The following CYP4F22 variants were observed in gnomAD, a reference collection of about 807,000 sequenced individuals.
CYP4F22 encodes the protein cytochrome P450 family 4 subfamily F member 22.
CYP4F22 carries 37 observed loss-of-function variants against 60.4 expected under a neutral mutation model. The observed-to-expected ratio is 0.61, with a 90% CI of 0.47 to 0.81. The LOEUF (loss-of-function observed/expected upper bound fraction) is 0.81, where lower values mean the gene tolerates loss of function less well. Among genes scored for constraint, CYP4F22 ranks in the 30% least tolerant of loss-of-function variants. The pLI is 0.00. For missense variants in CYP4F22, 655 were observed against 715.0 expected (o/e 0.92, Z 0.96); for synonymous variants, 258 against 280.5 (o/e 0.92, Z 0.80).
intron 3 of CYP4F22, among the ~76,000 whole-genome samples, chr19:15,527,954 T>G (rs776782268): frequency 1.3e-5 from 2 of 152,230 alleles, no homozygotes; most frequent in Non-Finnish European, 2.9e-5. Flanking sequence ...TTTCTGACGT[T>G]GAGCCTGAAG....
chr19:15,510,969 T>A (rs865928805), intron 1 of CYP4F22, among the ~76,000 whole-genome samples: 1,331 of 91,160 alleles, frequency 0.015, 8 homozygotes, highest in African/African-American at 0.027. Flanking sequence ...TATATATATT[T>A]TTTTTTTTTT....
At chr19:15,522,796 C>T (rs1042278500) in intron 1 of CYP4F22, among the ~76,000 whole-genome samples, 7 of 152,050 alleles carry the variant, frequency 4.6e-5, no homozygotes, top group Admixed American at 2.0e-4. Flanking sequence ...CTTCAACCTC[C>T]GCCTCCCAGG....
In CYP4F22 at chr19:15,513,750, C is replaced by A. The variant is rs1020457035; in HGVS notation, c.-109+5167C>A. Among the ~76,000 whole-genome samples the A allele has an allele frequency of 2.6e-5, 4 of 151,940 alleles. No individual in the cohort carries two copies. In the East Asian group the frequency reaches 5.8e-4, roughly 22 times the overall value. ...TCCTGAGCTCAGGCAATCCGCACCC[C>A]CCTCGGTCTCCCAAAGTGCTGGGAT... On this transcript the variant is annotated intron_variant, in intron 1 of 13. Transcript: ENST00000269703.
chr19:15,550,591 GA>G, intron 12 of CYP4F22, 82 bp from the exon 13 acceptor site: 1 of 1,412,200 alleles, frequency 7.1e-7, no homozygotes, highest in Non-Finnish European at 1.0e-6. Context: ...CATCTTTACT[GA>G]CCCCCAGAGG....
chr19:15,549,253 G>A (rs748636198), intron 12 of CYP4F22, 51 bp downstream of exon 12: 14 of 1,594,088 alleles, frequency 8.8e-6, no homozygotes, highest in East Asian at 4.5e-5. Context: ...CCTCCCCTGC[G>A]CCCCAGGGAG....
intron 8 of CYP4F22, among the ~76,000 whole-genome samples, chr19:15,542,160 C>T (rs1015802666): frequency 3.9e-5 from 6 of 152,194 alleles, no homozygotes; most frequent in African/African-American, 1.4e-4. Context: ...GAACTTCCTT[C>T]TTCTCCTCAC....
chr19:15,551,788 T>G lies in CYP4F22; in HGVS notation c.*317T>G, dbSNP rs1413301540. Reference sequence around the variant, plus strand: ...GCCCCGCCCCCAGGATCCTACGGATTGAGGTCCTCAGGCCACGCCCCTGCA... The same window carrying G: ...GCCCCGCCCCCAGGATCCTACGGATGGAGGTCCTCAGGCCACGCCCCTGCA... On this transcript the variant is annotated 3_prime_UTR_variant, in exon 14 of 14. Transcript: ENST00000269703. 7 of 468,000 alleles carry G rather than the reference T, an allele frequency of 1.5e-5. No individual in the cohort carries two copies. The highest frequency in any genetic ancestry group is 7.1e-5 in the Admixed American group (2 of 28,020). 29.0% of individuals were successfully genotyped at this position (468,000 alleles called of 1,614,324 possible).
Position 15,525,414 on chromosome 19 carries a change from C to T in CYP4F22, c.78C>T (p.Thr26=). ...KTAFRIYAVS[T]LLLFLLFFLF... ...CGTTCCGCATATACGCGGTGTCCAC[C>T]CTTCTCCTCTTCCTGCTCTTCTTCC... The change falls in exon 3 of 14, where the codon ACC becomes ACT. Residue 26 remains threonine, a synonymous_variant. Coordinates refer to ENST00000269703, the MANE Select transcript of CYP4F22 (RefSeq NM_173483.4). 6.2e-7 allele frequency: 1 copy of T among 1,614,142 alleles called. No individual in the cohort carries two copies. Among genetic ancestry groups the T allele is most frequent in the Non-Finnish European group, 8.5e-7 (1 of 1,180,024 alleles).
intron 4 of CYP4F22, among the ~76,000 whole-genome samples, chr19:15,536,629 G>A (rs1415914717): frequency 6.6e-6 from 1 of 152,174 alleles, no homozygotes; most frequent in Non-Finnish European, 1.5e-5. Context: ...CAGAAAATAA[G>A]GGGGTGGATT....
At chr19:15,550,854 C>T (rs1008603231) in intron 13 of CYP4F22, 98 bp downstream of exon 13, 3 of 1,431,080 alleles carry the variant, frequency 2.1e-6, no homozygotes, top group Admixed American at 1.7e-5. Flanking sequence ...TCAGATGGCA[C>T]CCAGGCGTCC....
At chr19:15,546,267 T>C (rs1322867342) in intron 10 of CYP4F22, among the ~76,000 whole-genome samples, 1 of 152,110 alleles carries the variant, frequency 6.6e-6, no homozygotes, top group Non-Finnish European at 1.5e-5. Context: ...TGAGCCACTG[T>C]GCCCAGCCAT....
chr19:15,541,802 C>G (rs1971465750), intron 8 of CYP4F22, among the ~76,000 whole-genome samples: 1 of 149,896 alleles, frequency 6.7e-6, no homozygotes, highest in African/African-American at 2.5e-5. Flanking sequence ...ATCACTTGAA[C>G]CTGGGAGGCG....
At chr19:15,508,802 G>A (rs1352572241) in intron 1 of CYP4F22, among the ~76,000 whole-genome samples, 7 of 151,980 alleles carry the variant, frequency 4.6e-5, no homozygotes, top group Non-Finnish European at 8.8e-5. Context: ...TGTCCCCGAC[G>A]TTTGCTGCAT....
intron 4 of CYP4F22, among the ~76,000 whole-genome samples, chr19:15,534,543 C>G (rs982688439): frequency 6.6e-6 from 1 of 151,694 alleles, no homozygotes; most frequent in African/African-American, 2.4e-5. Flanking sequence ...TCTTGAACTT[C>G]TGGGCTCAAG....
chr19:15,541,441 G>C (rs1047197307), intron 8 of CYP4F22, among the ~76,000 whole-genome samples: 1 of 150,698 alleles, frequency 6.6e-6, no homozygotes, highest in African/African-American at 2.4e-5. Flanking sequence ...CTGCCCTAAT[G>C]AGTTCATTTT....
In CYP4F22 at chr19:15,513,333, G is replaced by T. The variant is rs144078232; in HGVS notation, c.-109+4750G>T. 3.0e-3 allele frequency among the ~76,000 whole-genome samples: 424 copies of T among 142,284 alleles called. 3 individuals are homozygous for T. The highest frequency in any genetic ancestry group is 0.011 in the African/African-American group (400 of 37,842). The allele number at this position is 142,284 out of a possible 152,430, so 93.3% of individuals were successfully genotyped here. ...TGGGACTACAGGCGAATGCTGCCAC[G>T]CCCTGCTAATTTTTTGTATATATAT... is the stretch of plus-strand genomic sequence containing the variant. On this transcript the variant is annotated intron_variant, in intron 1 of 13. Coordinates refer to ENST00000269703, the MANE Select transcript of CYP4F22 (RefSeq NM_173483.4).
intron 2 of CYP4F22, among the ~76,000 whole-genome samples, chr19:15,524,237 A>G (rs1193188718): frequency 6.6e-6 from 1 of 152,218 alleles, no homozygotes; most frequent in Non-Finnish European, 1.5e-5. Flanking sequence ...TATATGAAAT[A>G]TCCAGAATAC....
In CYP4F22 at chr19:15,542,838, G is replaced by A. The variant is rs534429097; in HGVS notation, c.940-1133G>A. On this transcript the variant is annotated intron_variant, in intron 8 of 13. Coordinates refer to ENST00000269703, the MANE Select transcript of CYP4F22 (RefSeq NM_173483.4). ...TCTGTTCCTGCCTTAGGTTGCTAAG[G>A]ATGATGGCTTCCAGCTCCATTCAGG... 6.6e-5 allele frequency among the ~76,000 whole-genome samples: 10 copies of A among 152,220 alleles called. No individual in the cohort carries two copies. The South Asian group carries it at 1.5e-3, about 22-fold the overall frequency.
In CYP4F22 at chr19:15,534,742, AG is replaced by A. The variant is rs532767334; in HGVS notation, c.368-2614del. 1.8e-4 allele frequency among the ~76,000 whole-genome samples: 28 copies of A among 152,194 alleles called. No individual in the cohort carries two copies. In the South Asian group the frequency reaches 5.6e-3, roughly 31 times the overall value. On this transcript the variant is annotated intron_variant, in intron 4 of 13. Coordinates refer to ENST00000269703, the MANE Select transcript of CYP4F22 (RefSeq NM_173483.4). Reference sequence around the variant, plus strand: ...TGAGAGAACAATGGTTCAGCTGAGAAGGGGGTTTGGAGAAGGCTTCCTGGAG... The same window carrying A: ...TGAGAGAACAATGGTTCAGCTGAGAAGGGGTTTGGAGAAGGCTTCCTGGAG...
Sources: allele counts gnomAD v4.1 joint callset (sites outside exome capture counted in the v4.1 genomes callset), GRCh38; gene constraint gnomAD v4.1.1; transcripts MANE v1.5; gene names NCBI Gene and HGNC (gene_info 2026-07-23, HGNC 2026-07-21).